The following CYP3A4 variants were observed in gnomAD, a reference collection of about 807,000 sequenced individuals.
CYP3A4 encodes the protein cytochrome P450 family 3 subfamily A member 4.
A neutral mutation model predicts 54.9 loss-of-function variants in CYP3A4; 41 were observed. The ratio of observed to expected loss-of-function variants is 0.75; its 90% CI spans 0.58 to 0.97. The LOEUF is 0.97. Ranked by LOEUF, CYP3A4 falls within the 50% of genes least tolerant of loss-of-function variation. The pLI is 0.00. For synonymous variants in CYP3A4, 179 were observed against 205.2 expected (o/e 0.87, Z 1.09); for missense variants, 510 against 597.3 (o/e 0.85, Z 1.52).
At chr7:99,760,762 A>G in intron 12 of CYP3A4, 57 bp downstream of exon 12, 1 of 1,582,278 alleles carries the variant, frequency 6.3e-7, no homozygotes, top group Non-Finnish European at 8.6e-7. Context: ...AAAAATACAG[A>G]CCACTCAGTT....
Position 99,770,255 on chromosome 7 carries a change from C to G in CYP3A4, c.319-20G>C, listed in dbSNP as rs367939639. On this transcript the variant is annotated intron_variant, in intron 4 of 12. Transcript: ENST00000651514. ...AAAAGGCTAGAGTTCAAAGCAGAAA[C>G]ATTTTGTCCTACATCAGTTGTGGAG... 2.9e-5 allele frequency: 46 copies of G among 1,589,490 alleles called. No homozygotes were observed. The highest frequency in any genetic ancestry group is 1.7e-4 in the Middle Eastern group (1 of 6,038).
chr7:99,760,724 A>T, intron 12 of CYP3A4, 95 bp downstream of exon 12: 1 of 1,472,804 alleles, frequency 6.8e-7, no homozygotes, highest in Non-Finnish European at 9.2e-7. Flanking sequence ...ACAAATTAGT[A>T]AAAGATTAAA....
chr7:99,783,606 C>CTTTTTTTTTT (rs11432957), intron 1 of CYP3A4, among the ~76,000 whole-genome samples: 1 of 103,826 alleles, frequency 9.6e-6, no homozygotes, highest in Non-Finnish European at 1.8e-5. Context: ...CCTTGAACAT[C>CTTTTTTTTTT]TTTTTTTTTT....
intron 1 of CYP3A4, among the ~76,000 whole-genome samples, chr7:99,783,718 C>T (rs915268104): frequency 1.3e-5 from 2 of 149,126 alleles, no homozygotes; most frequent in African/African-American, 4.9e-5. Context: ...AAGCAATTCT[C>T]CTGCCTCAGC....
intron 3 of CYP3A4, among the ~76,000 whole-genome samples, chr7:99,775,263 T>A (rs950621875): frequency 6.6e-6 from 1 of 152,140 alleles, no homozygotes; most frequent in African/African-American, 2.4e-5. Flanking sequence ...ATGGCCATAC[T>A]GCCCAAGGTA....
chr7:99,783,606 CT>C (rs11432957), intron 1 of CYP3A4, among the ~76,000 whole-genome samples: 1,155 of 103,818 alleles, frequency 0.011, 7 homozygotes, highest in African/African-American at 0.037. Flanking sequence ...CCTTGAACAT[CT>C]TTTTTTTTTT....
rs1214206489 is a variant in CYP3A4, at chr7:99,757,985, A to G, written c.*148T>C. ...TCTACACAGACAATGAGAGAGCTCA[A>G]TGCATGTACAGAATCCCCGGTTATT... On this transcript the variant is annotated 3_prime_UTR_variant, in exon 13 of 13. Transcript: ENST00000651514. The G allele has an allele frequency of 1.2e-5, 8 of 659,810 alleles. 1 individual carries two copies. Among genetic ancestry groups the G allele is most frequent in the Middle Eastern group, 5.0e-4 (2 of 4,020 alleles). 40.9% of individuals were successfully genotyped at this position (659,810 alleles called of 1,614,324 possible).
chr7:99,762,410 T>C (rs1369961654), intron 10 of CYP3A4, 143 bp from the exon 11 acceptor site: 1 of 1,189,506 alleles, frequency 8.4e-7, no homozygotes, highest in African/African-American at 1.5e-5. Context: ...AGTGTTTTAA[T>C]AACTGTCATG....
At chr7:99,762,387 G>A (rs1466685517) in intron 10 of CYP3A4, 120 bp from the exon 11 acceptor site, 26 of 1,327,516 alleles carry the variant, frequency 2.0e-5, no homozygotes, top group Middle Eastern at 3.7e-4. Flanking sequence ...GTAAAGGATC[G>A]AAGCATTTAT....
chr7:99,775,171 G>T (rs547508778), intron 3 of CYP3A4, among the ~76,000 whole-genome samples: 1 of 151,844 alleles, frequency 6.6e-6, no homozygotes, highest in Non-Finnish European at 1.5e-5. Flanking sequence ...ACTACAAACC[G>T]CTGCTCAATG....
In CYP3A4 at chr7:99,757,970, C is replaced by A. The variant is rs1437294713; in HGVS notation, c.*163G>T. The A allele has an allele frequency of 4.8e-6, 3 of 624,768 alleles. No individual in the cohort carries two copies. Among genetic ancestry groups the A allele is most frequent in the Non-Finnish European group, 8.5e-6 (3 of 352,248 alleles). The allele number at this position is 624,768 out of a possible 1,614,324, so 38.7% of individuals were successfully genotyped here. ...TCCCAAGTATAACACTCTACACAGA[C>A]AATGAGAGAGCTCAATGCATGTACA... On this transcript the variant is annotated 3_prime_UTR_variant, in exon 13 of 13. Transcript: ENST00000651514.
At position 99,758,151 on chromosome 7, in the gene CYP3A4, G is replaced by A. The variant is rs761796809; in HGVS notation, c.1494C>T (p.Gly498=). The A allele has an allele frequency of 4.3e-6, 7 of 1,613,950 alleles. No individual in the cohort carries two copies. The highest frequency in any genetic ancestry group is 2.7e-5 in the African/African-American group (2 of 75,048). Reference sequence around the variant, plus strand: ...GGAAAATTCAGGCTCCACTTACGGTGCCATCCCTTGACTCAACCTTTAGAA... The same window carrying A: ...GGAAAATTCAGGCTCCACTTACGGTACCATCCCTTGACTCAACCTTTAGAA... ...PVVLKVESRD[G]TVSGA is the part of the protein sequence containing the mutation. Residue 498 remains glycine (G), a synonymous_variant, in exon 13 of 13, where the codon GGC becomes GGT. Transcript: ENST00000651514.
At chr7:99,782,793 G>A (rs1815960061) in intron 1 of CYP3A4, among the ~76,000 whole-genome samples, 1 of 152,108 alleles carries the variant, frequency 6.6e-6, no homozygotes, top group Non-Finnish European at 1.5e-5. Flanking sequence ...AAGCAGGTTT[G>A]TTTGAAATAG....
At chr7:99,779,884 A>G in intron 2 of CYP3A4, 108 bp downstream of exon 2, 1 of 1,023,574 alleles carries the variant, frequency 9.8e-7, no homozygotes, top group Non-Finnish European at 1.5e-6. Flanking sequence ...CTGTTTCTGA[A>G]AGTGTAAAAC....
chr7:99,767,814 C>T (rs1427636429), intron 7 of CYP3A4, among the ~76,000 whole-genome samples: 3 of 152,004 alleles, frequency 2.0e-5, no homozygotes, highest in Non-Finnish European at 2.9e-5. Flanking sequence ...TGAACAAAAA[C>T]TAAGATGTGA....
At position 99,769,869 on chromosome 7, in the gene CYP3A4, C is replaced by T. The variant is rs774632545; in HGVS notation, c.433-13G>A. On this transcript the variant is annotated splice_polypyrimidine_tract_variant and intron_variant, in intron 5 of 12. Coordinates refer to ENST00000651514, the MANE Select transcript of CYP3A4 (RefSeq NM_017460.6). ...TGATAGGGACCATCTAAGCACAAAA[C>T]ACAACACCACCCATAGTTAAATGTG... is the stretch of plus-strand genomic sequence containing the variant. 9.9e-6 allele frequency: 16 copies of T among 1,613,810 alleles called. No individual in the cohort carries two copies. Among genetic ancestry groups the T allele is most frequent in the Non-Finnish European group, 1.2e-5 (14 of 1,179,858 alleles).
chr7:99,758,167 A>G lies in CYP3A4; in HGVS notation c.1478T>C (p.Val493Ala), dbSNP rs758226196. 8.7e-6 allele frequency: 14 copies of G among 1,613,920 alleles called. No individual in the cohort carries two copies. The South Asian group carries it at 1.2e-4, about 14-fold the overall frequency. ...LQPEKPVVLK[V>A]ESRDGTVSGA ...ACTTACGGTGCCATCCCTTGACTCAACCTTTAGAACAACGGGTTTTTCTGG... is the reference window on the plus strand; with the variant it reads ...ACTTACGGTGCCATCCCTTGACTCAGCCTTTAGAACAACGGGTTTTTCTGG... Residue 493 changes from valine (V) to alanine (A), a missense_variant, in exon 13 of 13, where the codon GTT becomes GCT. Transcript: ENST00000651514.
At chr7:99,768,568 A>G in intron 6 of CYP3A4, 66 bp from the exon 7 acceptor site, 1 of 1,611,266 alleles carries the variant, frequency 6.2e-7, no homozygotes, top group Non-Finnish European at 8.5e-7. Flanking sequence ...CTATGCATGC[A>G]ACAGGAAACC....
At chr7:99,767,727 G>C (rs1815510932) in intron 7 of CYP3A4, among the ~76,000 whole-genome samples, 1 of 152,124 alleles carries the variant, frequency 6.6e-6, no homozygotes, top group Non-Finnish European at 1.5e-5. Flanking sequence ...CACATATGTG[G>C]AAGTTAAATA....
Sources: allele counts gnomAD v4.1 joint callset (sites outside exome capture counted in the v4.1 genomes callset), GRCh38; gene constraint gnomAD v4.1.1; transcripts MANE v1.5; gene names NCBI Gene and HGNC (gene_info 2026-07-23, HGNC 2026-07-21).